Variants in RYR2 observed in about 807,000 individuals in gnomAD.
RYR2 encodes ryanodine receptor 2.
In RYR2, 227 loss-of-function variants were observed where a neutral mutation model predicts 601.1. That is an observed-to-expected ratio of 0.38 (90% CI 0.34 to 0.42). The LOEUF is 0.42. Ranked by LOEUF, RYR2 falls within the 10% of genes least tolerant of loss-of-function variation. The probability of loss-of-function intolerance (pLI) is 1.00; values close to 1 mark genes in which losing one functional copy is unlikely to be tolerated. For missense variants in RYR2, 4,646 were observed against 6,156.5 expected (o/e 0.75, Z 8.21); for synonymous variants, 2,223 against 2,175.1 (o/e 1.02, Z -0.61).
chr1:237,566,663 A>G lies in RYR2; in HGVS notation c.3311A>G (p.Glu1104Gly). The G allele has an allele frequency of 6.2e-7, 1 of 1,613,914 alleles. No homozygotes were observed. The highest frequency in any genetic ancestry group is 8.5e-7 in the Non-Finnish European group (1 of 1,179,886). Residue 1104 changes from glutamate (E) to glycine (G), a missense_variant, in exon 28 of 105, where the codon GAA becomes GGA. By Grantham distance (98) the Glu-to-Gly change is moderately conservative (BLOSUM62 -2). Around this residue, in one of 17 missense-constraint regions of RYR2, gnomAD observed 1,807 missense variants for 2,088.1 expected, o/e 0.87. Coordinates refer to ENST00000366574, the MANE Select transcript of RYR2 (RefSeq NM_001035.3). ...GTGAAGGCCGGACGGTGGTATTTTG[A>G]ATTTGAGACGGTCACTGCTGGAGAC... ...YAVKAGRWYF[E>G]FETVTAGDMR...
At chr1:237,172,113 C>T (rs527574351) in intron 1 of RYR2, among the ~76,000 whole-genome samples, 4 of 152,260 alleles carry the variant, frequency 2.6e-5, no homozygotes, top group South Asian at 2.1e-4. Context: ...CTAGCACTAT[C>T]GGGATGTAAT....
rs1674075110 is a variant in RYR2, at chr1:237,147,030, T to C, written c.48+104461T>C. On this transcript the variant is annotated intron_variant, in intron 1 of 104. Coordinates refer to ENST00000366574, the MANE Select transcript of RYR2 (RefSeq NM_001035.3). ...TTGTTCTGGGGATGGGGATGATTAATGCCTGGAAAAAACTATGAGCAAACT... is the reference window on the plus strand; with the variant it reads ...TTGTTCTGGGGATGGGGATGATTAACGCCTGGAAAAAACTATGAGCAAACT... Among the ~76,000 whole-genome samples, 4 of 152,194 alleles carry C rather than the reference T, an allele frequency of 2.6e-5. No homozygotes were observed. The South Asian group carries it at 8.3e-4, about 31-fold the overall frequency.
chr1:237,451,304 C>T (rs1415013917), intron 14 of RYR2, among the ~76,000 whole-genome samples: 3 of 152,140 alleles, frequency 2.0e-5, no homozygotes, highest in African/African-American at 7.2e-5. Context: ...AGTGTGGTGG[C>T]TCACACCTGT....
At chr1:237,612,910 T>C (rs968375941) in intron 36 of RYR2, among the ~76,000 whole-genome samples, 2 of 152,188 alleles carry the variant, frequency 1.3e-5, no homozygotes, top group African/African-American at 4.8e-5. Flanking sequence ...GTTTTCCAAA[T>C]GATATGGAAC....
Position 237,589,207 on chromosome 1 carries a change from G to A in RYR2, c.3599-586G>A, listed in dbSNP as rs150424243. 2.1e-4 allele frequency among the ~76,000 whole-genome samples: 32 copies of A among 152,182 alleles called. No homozygotes were observed. The East Asian group carries it at 6.2e-3, about 29-fold the overall frequency. On this transcript the variant is annotated intron_variant, in intron 29 of 104. Coordinates refer to ENST00000366574, the MANE Select transcript of RYR2 (RefSeq NM_001035.3). ...TATTTTTCCCCCATGCTTAGATCCA[G>A]TTTATTCCAGAAAAAAAGCAAAATT...
chr1:237,760,327 G>T (rs545141143), intron 83 of RYR2, among the ~76,000 whole-genome samples: 2 of 134,582 alleles, frequency 1.5e-5, no homozygotes, highest in East Asian at 4.9e-4. Flanking sequence ...CACTACTGCA[G>T]CCTGAGAGAC....
At chr1:237,148,979 T>G (rs2490369) in intron 1 of RYR2, among the ~76,000 whole-genome samples, 102,846 of 151,998 alleles carry the variant, frequency 0.68, 34,873 homozygotes, top group African/African-American at 0.71. Context: ...ACATTTTTGT[T>G]TTCACTTCTG....
In RYR2 at chr1:237,270,690, C is replaced by G. The variant is rs1689596133; in HGVS notation, c.168+74C>G. On this transcript the variant is annotated intron_variant, in intron 2 of 104. Transcript: ENST00000366574. ...GGCATTGAAGTTATTTATGAGCTCT[C>G]TACTATTTTCTGTGGAATACATACT... The G allele has an allele frequency of 2.1e-6, 3 of 1,456,936 alleles. No individual in the cohort carries two copies. The South Asian group carries it at 3.7e-5, about 18-fold the overall frequency. 90.3% of individuals were successfully genotyped at this position (1,456,936 alleles called of 1,614,324 possible).
chr1:237,309,793 G>A (rs377747519), intron 2 of RYR2, among the ~76,000 whole-genome samples: 15 of 152,186 alleles, frequency 9.9e-5, no homozygotes, highest in Non-Finnish European at 1.8e-4. Context: ...GCTGAGGCCC[G>A]GCGAGAATTT....
intron 62 of RYR2, among the ~76,000 whole-genome samples, chr1:237,683,618 T>C (rs1293706311): frequency 2.6e-5 from 4 of 152,228 alleles, no homozygotes; most frequent in African/African-American, 9.6e-5. Flanking sequence ...AGGGGAAAGG[T>C]AGGTTATATA....
At chr1:237,517,649 G>T (rs542353953) in intron 24 of RYR2, among the ~76,000 whole-genome samples, 2 of 151,912 alleles carry the variant, frequency 1.3e-5, no homozygotes, top group Non-Finnish European at 2.9e-5. Flanking sequence ...AAAAAAAAAG[G>T]TTTTATTTTT....
intron 3 of RYR2, among the ~76,000 whole-genome samples, chr1:237,338,590 T>C (rs1324587320): frequency 6.6e-6 from 1 of 152,222 alleles, no homozygotes; most frequent in African/African-American, 2.4e-5. Flanking sequence ...TATTTTTCTT[T>C]GTTAATAGCA....
chr1:237,283,573 A>G (rs1335054424), intron 2 of RYR2, among the ~76,000 whole-genome samples: 1 of 152,146 alleles, frequency 6.6e-6, no homozygotes, highest in African/African-American at 2.4e-5. Flanking sequence ...TAGGCTAATA[A>G]TATTGATGTA....
At chr1:237,200,323 A>G (rs1260316220) in intron 1 of RYR2, among the ~76,000 whole-genome samples, 2 of 151,492 alleles carry the variant, frequency 1.3e-5, no homozygotes, top group African/African-American at 2.4e-5. Flanking sequence ...GAGTGCAGTG[A>G]GCATGATCTT....
chr1:237,284,279 G>A (rs899436254), intron 2 of RYR2, among the ~76,000 whole-genome samples: 99 of 133,206 alleles, frequency 7.4e-4, no homozygotes, highest in African/African-American at 3.1e-3. Context: ...TACTTGGGAG[G>A]CTGAGTAATG....
At chr1:237,684,970 G>C (rs999088106) in intron 62 of RYR2, among the ~76,000 whole-genome samples, 1 of 151,544 alleles carries the variant, frequency 6.6e-6, no homozygotes, top group Non-Finnish European at 1.5e-5. Context: ...TCCAAGGAAG[G>C]TAAGAGTTTC....
intron 75 of RYR2, among the ~76,000 whole-genome samples, chr1:237,726,526 T>C (rs927813783): frequency 6.6e-6 from 1 of 152,148 alleles, no homozygotes; most frequent in African/African-American, 2.4e-5. Context: ...TTACCAAATT[T>C]ACTCACTCCT....
chr1:237,772,773 T>C (rs937218527), intron 86 of RYR2, among the ~76,000 whole-genome samples: 2 of 150,616 alleles, frequency 1.3e-5, no homozygotes, highest in Non-Finnish European at 3.0e-5. Flanking sequence ...TTTTTTTTTT[T>C]CTAACTGAAA....
At chr1:237,823,891 C>T (rs1662799465) in intron 101 of RYR2, among the ~76,000 whole-genome samples, 2 of 152,184 alleles carry the variant, frequency 1.3e-5, no homozygotes, top group Admixed American at 1.3e-4. Flanking sequence ...TCAGAGAATA[C>T]TGTAGACACC....
Sources: gnomAD v4.1 joint callset for allele counts (sites outside exome capture counted in the v4.1 genomes callset) on GRCh38, gnomAD v4.1.1 for gene constraint, gnomAD v4.1.1 regional missense constraint, MANE v1.5 for transcripts, NCBI Gene and HGNC (gene_info 2026-07-23, HGNC 2026-07-21) for gene names.